The following ARHGAP32 variants were observed in gnomAD, a reference collection of about 807,000 sequenced individuals.
The protein encoded by ARHGAP32 is rho GTPase-activating protein 32.
In ARHGAP32, 51 loss-of-function variants were observed where a neutral mutation model predicts 186.5. The observed-to-expected ratio is 0.27, with a 90% CI of 0.22 to 0.35. The LOEUF (loss-of-function observed/expected upper bound fraction) is 0.35, where lower values mean the gene tolerates loss of function less well. Ranked by LOEUF, ARHGAP32 falls within the 10% of genes least tolerant of loss-of-function variation. The probability of loss-of-function intolerance (pLI) is 1.00; values close to 1 mark genes in which losing one functional copy is unlikely to be tolerated. For synonymous variants in ARHGAP32, 950 were observed against 964.3 expected (o/e 0.99, Z 0.27); for missense variants, 2,186 against 2,623.5 (o/e 0.83, Z 3.64).
Position 128,990,619 on chromosome 11 carries a change from A to G in ARHGAP32, c.1196-2494T>C, listed in dbSNP as rs574945155. Among the ~76,000 whole-genome samples the G allele has an allele frequency of 3.9e-3, 592 of 152,336 alleles. 2 individuals are homozygous for G. Among genetic ancestry groups the G allele is most frequent in the African/African-American group, 0.014 (566 of 41,588 alleles). The stretch of plus-strand genomic sequence containing the variant: ...TGAAGGGCAGGTAGAATTGCTGGGT[A>G]CTTCTTGTGGATTTAATTGATATTA... On this transcript the variant is annotated intron_variant, in intron 12 of 22. Coordinates refer to ENST00000682385, the MANE Select transcript of ARHGAP32 (RefSeq NM_001378024.1).
At chr11:129,239,194 A>G (rs1047912945) in intron 1 of ARHGAP32, among the ~76,000 whole-genome samples, 2 of 152,176 alleles carry the variant, frequency 1.3e-5, no homozygotes, top group Non-Finnish European at 2.9e-5. Context: ...ACAGCTTATT[A>G]AATAGTACAG....
chr11:129,015,606 T>C (rs184951055), intron 11 of ARHGAP32, among the ~76,000 whole-genome samples: 2 of 152,284 alleles, frequency 1.3e-5, no homozygotes, highest in African/African-American at 4.8e-5. Flanking sequence ...TGTAACGACA[T>C]ACTGTAACGA....
At chr11:129,036,766 T>C (rs954015826) in intron 11 of ARHGAP32, among the ~76,000 whole-genome samples, 3 of 152,196 alleles carry the variant, frequency 2.0e-5, no homozygotes, top group African/African-American at 7.2e-5. Flanking sequence ...CCACAGCTAC[T>C]TAATGGTAAA....
rs1255374214 is a variant in ARHGAP32, at chr11:128,966,999, C to A, written c.*1908G>T. On this transcript the variant is annotated 3_prime_UTR_variant, in exon 23 of 23. Coordinates refer to ENST00000682385, the MANE Select transcript of ARHGAP32 (RefSeq NM_001378024.1). ...TGACTGTAAAACAGTTGGTTCTGCA[C>A]TTTTAATGTAGAGGCCTCAATTTCC... is the stretch of plus-strand genomic sequence containing the variant. 6.6e-6 allele frequency: 1 copy of A among 152,186 alleles called. No homozygotes were observed. The highest frequency in any genetic ancestry group is 1.5e-5 in the Non-Finnish European group (1 of 68,034). 9.4% of individuals were successfully genotyped at this position (152,186 alleles called of 1,614,324 possible).
rs553422410 is a variant in ARHGAP32 at position 129,002,472 on chromosome 11, C to T, written c.1046-4004G>A. Among the ~76,000 whole-genome samples, 22 of 152,240 alleles carry T rather than the reference C, an allele frequency of 1.4e-4. 1 individual carries two copies. The highest frequency in any genetic ancestry group is 4.8e-4 in the African/African-American group (20 of 41,548). The stretch of plus-strand genomic sequence containing the variant: ...TGCCACTTTACTGAATTTGTTTTAT[C>T]AGTTCAAATAGTTTTTTGGTGGAGT... On this transcript the variant is annotated intron_variant, in intron 11 of 22. Transcript: ENST00000682385.
chr11:129,224,793 T>C (rs1229170409), intron 1 of ARHGAP32, among the ~76,000 whole-genome samples: 1 of 84,116 alleles, frequency 1.2e-5, no homozygotes, highest in Non-Finnish European at 2.5e-5. Context: ...AAAAAAAAAA[T>C]CTCTTCCCCA....
chr11:129,103,174 T>C (rs1266384175), intron 5 of ARHGAP32, among the ~76,000 whole-genome samples: 2 of 152,104 alleles, frequency 1.3e-5, no homozygotes, highest in Admixed American at 6.5e-5. Flanking sequence ...TACATATGTG[T>C]GGTACTTACA....
intron 1 of ARHGAP32, among the ~76,000 whole-genome samples, chr11:129,165,483 G>A (rs760794271): frequency 1.0e-4 from 15 of 150,108 alleles, no homozygotes; most frequent in Non-Finnish European, 1.9e-4. Context: ...TCAGAAGTAC[G>A]AGAAGAAAAA....
At chr11:128,993,074 TTTG>T (rs1946104557) in intron 12 of ARHGAP32, among the ~76,000 whole-genome samples, 1 of 152,166 alleles carries the variant, frequency 6.6e-6, no homozygotes, top group Non-Finnish European at 1.5e-5. Context: ...CTTACAACAC[TTTG>T]TACAGAAGAC....
At chr11:129,208,192 T>G (rs985244101) in intron 1 of ARHGAP32, among the ~76,000 whole-genome samples, 4 of 152,202 alleles carry the variant, frequency 2.6e-5, no homozygotes, top group African/African-American at 9.6e-5. Flanking sequence ...GGAAACAACT[T>G]ATCTTAGAAT....
At chr11:129,271,625 G>A (rs553203983) in intron 1 of ARHGAP32, among the ~76,000 whole-genome samples, 23 of 152,094 alleles carry the variant, frequency 1.5e-4, no homozygotes, top group Non-Finnish European at 2.5e-4. Flanking sequence ...GAGCCTCATC[G>A]GCATATAAAT....
intron 9 of ARHGAP32, among the ~76,000 whole-genome samples, chr11:129,063,458 T>G (rs1940581441): frequency 6.6e-6 from 1 of 151,992 alleles, no homozygotes; most frequent in Non-Finnish European, 1.5e-5. Context: ...TTCAACAATA[T>G]GTGAAAAAAA....
chr11:129,199,406 C>T (rs1253440485), intron 1 of ARHGAP32, among the ~76,000 whole-genome samples: 2 of 152,238 alleles, frequency 1.3e-5, no homozygotes, highest in Non-Finnish European at 2.9e-5. Context: ...ATGGGCCAGG[C>T]CCAGGGCCCC....
At chr11:129,195,325 C>G (rs1313095023), upstream of ARHGAP32, among the ~76,000 whole-genome samples, 1 of 152,030 alleles carries the variant, frequency 6.6e-6, no homozygotes, top group Non-Finnish European at 1.5e-5. Context: ...TTTAATCATT[C>G]TTTTGTTCTT....
chr11:129,146,973 A>G (rs1943179327), intron 2 of ARHGAP32, among the ~76,000 whole-genome samples: 1 of 152,098 alleles, frequency 6.6e-6, no homozygotes, highest in African/African-American at 2.4e-5. Context: ...TATTGAGAAA[A>G]AAGGGTCCCT....
chr11:129,099,434 T>C (rs80031644), intron 5 of ARHGAP32, among the ~76,000 whole-genome samples: 6 of 152,346 alleles, frequency 3.9e-5, no homozygotes, highest in African/African-American at 1.4e-4. Context: ...TGGTAGGCTA[T>C]ACCTATTCTA....
At chr11:129,020,666 G>A (rs1446587786) in intron 11 of ARHGAP32, among the ~76,000 whole-genome samples, 1 of 152,016 alleles carries the variant, frequency 6.6e-6, no homozygotes, top group East Asian at 1.9e-4. Context: ...CTATCAGGTT[G>A]ACGCTCACAA....
At chr11:129,262,123 C>G (rs1359058778) in intron 1 of ARHGAP32, among the ~76,000 whole-genome samples, 1 of 151,970 alleles carries the variant, frequency 6.6e-6, no homozygotes, top group Non-Finnish European at 1.5e-5. Flanking sequence ...CCTGGCATGC[C>G]AGACTAATAA....
intron 1 of ARHGAP32, among the ~76,000 whole-genome samples, chr11:129,200,195 A>T (rs909977763): frequency 3.9e-5 from 6 of 152,136 alleles, no homozygotes; most frequent in African/African-American, 1.4e-4. Context: ...GAGACTCTGG[A>T]CTGTGGACTT....
Sources: gnomAD v4.1 joint callset for allele counts (sites outside exome capture counted in the v4.1 genomes callset) on GRCh38, gnomAD v4.1.1 for gene constraint, MANE v1.5 for transcripts, NCBI Gene and HGNC (gene_info 2026-07-23, HGNC 2026-07-21) for gene names.